SLC8A1: variants seen among roughly 807,000 people sequenced by gnomAD.
The protein encoded by SLC8A1 is sodium/calcium exchanger 1.
A neutral mutation model predicts 68.3 loss-of-function variants in SLC8A1; 18 were observed. The observed-to-expected ratio is 0.26, with a 90% confidence interval of 0.18 to 0.39. The LOEUF is 0.39. Among genes scored for constraint, SLC8A1 ranks in the 10% least tolerant of loss-of-function variants. SLC8A1 has a pLI of 1.00. For synonymous variants in SLC8A1, 475 were observed against 415.5 expected (o/e 1.14, Z -1.74); for missense variants, 985 against 1,156.7 (o/e 0.85, Z 2.15).
intron 1 of SLC8A1, among the ~76,000 whole-genome samples, chr2:40,461,789 A>G (rs1703352357): frequency 6.6e-6 from 1 of 152,168 alleles, no homozygotes; most frequent in African/African-American, 2.4e-5. Context: ...TAACAAGTCC[A>G]AAGATAAAAT....
At chr2:40,294,008 CA>C (rs1338654321) in intron 2 of SLC8A1, among the ~76,000 whole-genome samples, 2 of 152,042 alleles carry the variant, frequency 1.3e-5, no homozygotes, top group African/African-American at 2.4e-5. Flanking sequence ...CCATAGCAAT[CA>C]GTTTAAAGTT....
At chr2:40,218,967 C>A (rs540987225) in intron 2 of SLC8A1, among the ~76,000 whole-genome samples, 1 of 152,122 alleles carries the variant, frequency 6.6e-6, no homozygotes, top group African/African-American at 2.4e-5. Flanking sequence ...ACTTAGAAAG[C>A]AATATTAGCT....
chr2:40,207,951 C>G (rs1279067306), intron 2 of SLC8A1, among the ~76,000 whole-genome samples: 1 of 152,058 alleles, frequency 6.6e-6, no homozygotes, highest in Non-Finnish European at 1.5e-5. Context: ...GGAAGTTGGG[C>G]AGATTGAAGT....
At chr2:40,139,188 C>A (rs910554717) in intron 7 of SLC8A1, among the ~76,000 whole-genome samples, 10 of 152,134 alleles carry the variant, frequency 6.6e-5, no homozygotes, top group African/African-American at 2.4e-4. Context: ...ATCTGGGATG[C>A]TTTCCTGTCA....
intron 6 of SLC8A1, among the ~76,000 whole-genome samples, chr2:40,148,018 A>G (rs900464392): frequency 2.0e-5 from 3 of 152,214 alleles, no homozygotes; most frequent in African/African-American, 4.8e-5. Context: ...CTACAATTAC[A>G]TGACCCATGG....
chr2:40,125,320 T>C (rs1023294163), intron 7 of SLC8A1, among the ~76,000 whole-genome samples: 6 of 152,188 alleles, frequency 3.9e-5, no homozygotes, highest in East Asian at 1.9e-4. Context: ...GAAGAGGAGA[T>C]AGCCTTGACA....
intron 2 of SLC8A1, among the ~76,000 whole-genome samples, chr2:40,338,179 G>C (rs899412344): frequency 6.6e-6 from 1 of 151,966 alleles, no homozygotes; most frequent in Non-Finnish European, 1.5e-5. Flanking sequence ...ATCGTAGTGG[G>C]GTAGCATCAT....
intron 2 of SLC8A1, among the ~76,000 whole-genome samples, chr2:40,362,930 T>G (rs1323669754): frequency 6.6e-6 from 1 of 152,106 alleles, no homozygotes; most frequent in African/African-American, 2.4e-5. Flanking sequence ...GACTACCCCA[T>G]GCAATACAGT....
At chr2:40,503,314 C>G (rs569672464) in intron 1 of SLC8A1, among the ~76,000 whole-genome samples, 1 of 152,160 alleles carries the variant, frequency 6.6e-6, no homozygotes, top group South Asian at 2.1e-4. Context: ...TCTCACCGAG[C>G]TGCTTTGCAA....
chr2:40,458,539 A>G (rs771913789), intron 1 of SLC8A1, among the ~76,000 whole-genome samples: 1 of 152,098 alleles, frequency 6.6e-6, no homozygotes, highest in Non-Finnish European at 1.5e-5. Context: ...CTTAATAGCA[A>G]TCATCTCTTT....
At chr2:40,197,044 T>C (rs892231983) in intron 2 of SLC8A1, among the ~76,000 whole-genome samples, 3 of 152,186 alleles carry the variant, frequency 2.0e-5, no homozygotes, top group East Asian at 1.9e-4. Flanking sequence ...GAAGATGTCA[T>C]GGAAGTGCTC....
chr2:40,439,518 G>T (rs549272331), intron 1 of SLC8A1, among the ~76,000 whole-genome samples: 5 of 152,164 alleles, frequency 3.3e-5, no homozygotes, highest in African/African-American at 1.2e-4. Context: ...CTTGGAACTG[G>T]GGATGTTTAA....
intron 4 of SLC8A1, among the ~76,000 whole-genome samples, chr2:40,172,032 C>T (rs1369787132): frequency 2.0e-5 from 3 of 152,182 alleles, no homozygotes; most frequent in Admixed American, 6.5e-5. Context: ...CACTCAGCTG[C>T]GCAAGTCCAT....
At chr2:40,296,326 A>G (rs1265923543) in intron 2 of SLC8A1, among the ~76,000 whole-genome samples, 1 of 152,198 alleles carries the variant, frequency 6.6e-6, no homozygotes, top group Non-Finnish European at 1.5e-5. Flanking sequence ...TCTTCTGAGC[A>G]ACTTGAAGGT....
intron 1 of SLC8A1, among the ~76,000 whole-genome samples, chr2:40,437,755 G>C (rs1699713804): frequency 6.6e-6 from 1 of 151,940 alleles, no homozygotes; most frequent in Admixed American, 6.6e-5. Flanking sequence ...AAGCCAATAA[G>C]TAATCCAAAG....
chr2:40,411,001 T>C (rs1349121059), intron 2 of SLC8A1, among the ~76,000 whole-genome samples: 1 of 152,078 alleles, frequency 6.6e-6, no homozygotes, highest in African/African-American at 2.4e-5. Flanking sequence ...GCAGGCTTGA[T>C]AAATGATTTT....
intron 2 of SLC8A1, among the ~76,000 whole-genome samples, chr2:40,412,656 G>A (rs2149706103): frequency 6.6e-6 from 1 of 152,126 alleles, no homozygotes; most frequent in East Asian, 1.9e-4. Flanking sequence ...ATTGACTTCA[G>A]AAATTCCTGC....
rs911047433 is a variant in SLC8A1, at chr2:40,111,291, C to T, written c.*3962G>A. The T allele has an allele frequency of 3.9e-5, 6 of 152,200 alleles. No homozygotes were observed. In the South Asian group the frequency reaches 1.2e-3, roughly 32 times the overall value. 9.4% of individuals were successfully genotyped at this position (152,200 alleles called of 1,614,324 possible). On this transcript the variant is annotated 3_prime_UTR_variant, in exon 8 of 8. Transcript: ENST00000406785. ...GAAAGGTTGTTAGACGGTCAAGGAG[C>T]TCTGGTCATTGAATTAATCTTTTTG...
intron 2 of SLC8A1, among the ~76,000 whole-genome samples, chr2:40,417,092 T>G (rs181226564): frequency 6.6e-6 from 1 of 152,278 alleles, no homozygotes; most frequent in Admixed American, 6.5e-5. Flanking sequence ...TTTTTGAAGA[T>G]TATGCAGAGT....
Sources: gnomAD v4.1 joint callset for allele counts (sites outside exome capture counted in the v4.1 genomes callset) on GRCh38, gnomAD v4.1.1 for gene constraint, MANE v1.5 for transcripts, NCBI Gene and HGNC (gene_info 2026-07-23, HGNC 2026-07-21) for gene names.